NPAS3: variants seen among roughly 807,000 people sequenced by gnomAD.
NPAS3 encodes neuronal PAS domain protein 3, also known as neuronal PAS domain-containing protein 3.
NPAS3 carries 14 observed loss-of-function variants against 73.1 expected under a neutral mutation model. That is an observed-to-expected ratio of 0.19 (90% CI 0.13 to 0.30). The LOEUF (loss-of-function observed/expected upper bound fraction) is 0.30, where lower values mean the gene tolerates loss of function less well. Among genes scored for constraint, NPAS3 ranks in the 10% least tolerant of loss-of-function variants. The pLI is 1.00. For synonymous variants in NPAS3, 620 were observed against 541.5 expected (o/e 1.14, Z -2.01); for missense variants, 1,096 against 1,250.0 (o/e 0.88, Z 1.86).
intron 3 of NPAS3, among the ~76,000 whole-genome samples, chr14:33,324,110 A>C (rs2043582158): frequency 6.6e-6 from 1 of 152,210 alleles, no homozygotes; most frequent in Non-Finnish European, 1.5e-5. Context: ...AAGGTTTGAC[A>C]GTTTGATAAA....
intron 3 of NPAS3, among the ~76,000 whole-genome samples, chr14:33,239,892 G>A (rs944388032): frequency 4.6e-5 from 7 of 151,618 alleles, no homozygotes; most frequent in South Asian, 2.1e-4. Context: ...GTTAAACAGT[G>A]CAGTAACCGA....
intron 4 of NPAS3, among the ~76,000 whole-genome samples, chr14:33,514,127 C>T (rs1432929875): frequency 6.6e-6 from 1 of 152,012 alleles, no homozygotes; most frequent in African/African-American, 2.4e-5. Flanking sequence ...ACAATTTTGT[C>T]CATGTCTGCA....
At chr14:33,500,420 G>C (rs1014019390) in intron 4 of NPAS3, among the ~76,000 whole-genome samples, 1 of 151,840 alleles carries the variant, frequency 6.6e-6, no homozygotes, top group African/African-American at 2.4e-5. Flanking sequence ...GATTTCCCAA[G>C]TCCGATCAGT....
At chr14:33,615,722 A>G (rs944800349) in intron 5 of NPAS3, among the ~76,000 whole-genome samples, 1 of 152,202 alleles carries the variant, frequency 6.6e-6, no homozygotes, top group African/African-American at 2.4e-5. Flanking sequence ...GGGACCTAGT[A>G]CACGTTTAGA....
intron 4 of NPAS3, among the ~76,000 whole-genome samples, chr14:33,432,980 T>A (rs1206102390): frequency 6.6e-6 from 1 of 152,238 alleles, no homozygotes; most frequent in African/African-American, 2.4e-5. Context: ...TGATTTTACT[T>A]GTCTATATTA....
intron 3 of NPAS3, among the ~76,000 whole-genome samples, chr14:33,251,728 T>A (rs149298191): frequency 2.6e-5 from 4 of 152,254 alleles, no homozygotes; most frequent in African/African-American, 9.6e-5. Context: ...AGGTATTAAA[T>A]CACAAAAGCA....
intron 2 of NPAS3, among the ~76,000 whole-genome samples, chr14:33,189,879 C>G (rs973791677): frequency 3.3e-5 from 5 of 152,102 alleles, no homozygotes; most frequent in African/African-American, 1.2e-4. Flanking sequence ...ATTATCGATA[C>G]ATATAAGTGT....
At chr14:33,203,018 CTTTCTTGACTACTA>C (rs1201024512) in intron 2 of NPAS3, among the ~76,000 whole-genome samples, 1 of 152,208 alleles carries the variant, frequency 6.6e-6, no homozygotes, top group East Asian at 1.9e-4. Flanking sequence ...GACATGTGGC[CTTTCTTGACTACTA>C]TTTCTTAGAC....
chr14:33,095,668 T>A lies in NPAS3; in HGVS notation c.140+39674T>A, dbSNP rs540425957. Among the ~76,000 whole-genome samples, 86 of 70,724 alleles carry A rather than the reference T, an allele frequency of 1.2e-3. 6 individuals carry two copies. In the South Asian group the frequency reaches 0.019, roughly 16 times the overall value. The allele number at this position is 70,724 out of a possible 152,430, so 46.4% of individuals were successfully genotyped here. ...GTGGGCATTCTCTGCTTTTATTTTT[T>A]TATTTTTTTTTTTTTTTTGAGAGGG... On this transcript the variant is annotated intron_variant, in intron 2 of 11. Coordinates refer to ENST00000356141, the Ensembl canonical transcript of NPAS3.
chr14:33,693,094 A>C (rs1427957260), intron 6 of NPAS3, among the ~76,000 whole-genome samples: 4 of 152,168 alleles, frequency 2.6e-5, no homozygotes, highest in Non-Finnish European at 4.4e-5. Flanking sequence ...AATGAGATTT[A>C]CTGGAGTAAA....
chr14:33,535,516 G>A (rs868423879), intron 4 of NPAS3, among the ~76,000 whole-genome samples: 4 of 152,276 alleles, frequency 2.6e-5, no homozygotes, highest in Non-Finnish European at 2.9e-5. Context: ...AGAGAACACC[G>A]ACTATCTGCC....
At chr14:33,534,024 C>T (rs1406412068) in intron 4 of NPAS3, among the ~76,000 whole-genome samples, 2 of 152,012 alleles carry the variant, frequency 1.3e-5, no homozygotes, top group Non-Finnish European at 2.9e-5. Context: ...ATCTTTTTGT[C>T]ATTTTATTCA....
intron 4 of NPAS3, among the ~76,000 whole-genome samples, chr14:33,391,793 A>C (rs2047018354): frequency 6.6e-6 from 1 of 152,162 alleles, no homozygotes; most frequent in African/African-American, 2.4e-5. Flanking sequence ...CGTTTCCAGA[A>C]CTTCAGAGAC....
Position 33,550,413 on chromosome 14 carries a change from A to G in NPAS3, c.469-9708A>G, listed in dbSNP as rs74561724. Among the ~76,000 whole-genome samples, 863 of 152,364 alleles carry G rather than the reference A, an allele frequency of 5.7e-3. 7 individuals are homozygous for G. The highest frequency in any genetic ancestry group is 0.019 in the African/African-American group (796 of 41,582). ...ATGCCATCAAGAGCGTCACTGATGAAGATTTCTTACGATATTAGTTGTTAT... is the reference window on the plus strand; with the variant it reads ...ATGCCATCAAGAGCGTCACTGATGAGGATTTCTTACGATATTAGTTGTTAT... On this transcript the variant is annotated intron_variant, in intron 4 of 11. Transcript: ENST00000356141.
At chr14:33,501,860 C>A (rs958286845) in intron 4 of NPAS3, among the ~76,000 whole-genome samples, 1 of 151,882 alleles carries the variant, frequency 6.6e-6, no homozygotes, top group Non-Finnish European at 1.5e-5. Flanking sequence ...AGTTGTATGT[C>A]ACAAAACAAA....
At chr14:33,269,384 A>G (rs565918895) in intron 3 of NPAS3, among the ~76,000 whole-genome samples, 2 of 152,234 alleles carry the variant, frequency 1.3e-5, no homozygotes, top group South Asian at 2.1e-4. Flanking sequence ...CCAACACCCA[A>G]ATTTAGTAAG....
chr14:33,623,145 G>A (rs1219619245), intron 5 of NPAS3, among the ~76,000 whole-genome samples: 1 of 152,080 alleles, frequency 6.6e-6, no homozygotes, highest in Non-Finnish European at 1.5e-5. Context: ...AGGCTTCCTG[G>A]GAAGAGTCTG....
At chr14:33,259,275 C>T (rs185987458) in intron 3 of NPAS3, among the ~76,000 whole-genome samples, 156 of 152,274 alleles carry the variant, frequency 1.0e-3, no homozygotes, top group Admixed American at 2.0e-3. Context: ...GATTTTTTAT[C>T]TCCTTCCGTC....
chr14:33,750,069 C>T (rs1001382917), intron 7 of NPAS3, among the ~76,000 whole-genome samples: 1 of 152,120 alleles, frequency 6.6e-6, no homozygotes, highest in African/African-American at 2.4e-5. Flanking sequence ...AATTCATAGG[C>T]ACCTGCTCTT....
Sources: allele counts gnomAD v4.1 joint callset (sites outside exome capture counted in the v4.1 genomes callset), GRCh38; gene constraint gnomAD v4.1.1; transcripts MANE v1.5; gene names NCBI Gene and HGNC (gene_info 2026-07-23, HGNC 2026-07-21).